The following NHEJ1 variants were observed in gnomAD, a reference collection of about 807,000 sequenced individuals.
The protein encoded by NHEJ1 is non-homologous end-joining factor 1.
A neutral mutation model predicts 39.4 loss-of-function variants in NHEJ1; 22 were observed. The observed-to-expected ratio is 0.56, with a 90% CI of 0.40 to 0.80. NHEJ1 has a LOEUF of 0.80. NHEJ1 is among the 30% of genes least tolerant of loss of function. The pLI is 0.00. For synonymous variants in NHEJ1, 154 were observed against 135.6 expected (o/e 1.14, Z -0.94); for missense variants, 329 against 357.1 (o/e 0.92, Z 0.63).
At chr2:219,120,157 C>T (rs1184393909) in intron 5 of NHEJ1, among the ~76,000 whole-genome samples, 1 of 152,160 alleles carries the variant, frequency 6.6e-6, no homozygotes, top group Non-Finnish European at 1.5e-5. Flanking sequence ...GGCAAACATT[C>T]TAATATGTAG....
intron 1 of NHEJ1, 29 bp from the exon 2 acceptor site, chr2:219,158,391 G>A (rs761832722): frequency 1.2e-6 from 2 of 1,611,540 alleles, no homozygotes; most frequent in Non-Finnish European, 1.7e-6. Context: ...TTAGTAAAGA[G>A]CCTCAGGGTC....
chr2:219,117,294 C>T (rs1018369759), intron 5 of NHEJ1, among the ~76,000 whole-genome samples: 2 of 152,134 alleles, frequency 1.3e-5, no homozygotes, highest in East Asian at 1.9e-4. Context: ...CAGTAAACAT[C>T]GCAGGGAAAA....
At chr2:219,120,205 C>G (rs1949458199) in intron 5 of NHEJ1, among the ~76,000 whole-genome samples, 1 of 152,180 alleles carries the variant, frequency 6.6e-6, no homozygotes, top group South Asian at 2.1e-4. Context: ...CACAAAGATA[C>G]TTTTTCATTC....
At chr2:219,093,385 C>T (rs1949179073) in intron 5 of NHEJ1, among the ~76,000 whole-genome samples, 1 of 152,160 alleles carries the variant, frequency 6.6e-6, no homozygotes, top group Admixed American at 6.5e-5. Flanking sequence ...GAGGCAAGGA[C>T]AAGAGGGATA....
chr2:219,096,075 T>C (rs967261436), intron 5 of NHEJ1, among the ~76,000 whole-genome samples: 5 of 152,194 alleles, frequency 3.3e-5, no homozygotes, highest in African/African-American at 1.2e-4. Flanking sequence ...AAAGGATACA[T>C]GGTTTTCTAA....
chr2:219,117,684 A>C (rs894365284), intron 5 of NHEJ1, among the ~76,000 whole-genome samples: 1 of 152,280 alleles, frequency 6.6e-6, no homozygotes, highest in African/African-American at 2.4e-5. Context: ...GACATGGTGT[A>C]GTGGAAAGAG....
intron 4 of NHEJ1, 28 bp downstream of exon 4, chr2:219,147,629 C>T (rs1434591137): frequency 6.2e-7 from 1 of 1,614,034 alleles, no homozygotes; most frequent in East Asian, 2.2e-5. Flanking sequence ...ACACGCCCCA[C>T]CCAACTCCTC....
chr2:219,085,492 T>G (rs923841729), intron 5 of NHEJ1, among the ~76,000 whole-genome samples: 5 of 152,204 alleles, frequency 3.3e-5, no homozygotes, highest in African/African-American at 1.2e-4. Flanking sequence ...GAGCTAACAC[T>G]GCCCTGTGTT....
chr2:219,119,902 A>C (rs1467482289), intron 5 of NHEJ1, among the ~76,000 whole-genome samples: 2 of 152,174 alleles, frequency 1.3e-5, no homozygotes, highest in Non-Finnish European at 2.9e-5. Flanking sequence ...CTTCTCCAAG[A>C]GTCTGGCCGA....
intron 5 of NHEJ1, among the ~76,000 whole-genome samples, chr2:219,114,097 GA>G (rs919226761): frequency 2.0e-5 from 3 of 152,122 alleles, no homozygotes; most frequent in African/African-American, 7.2e-5. Context: ...GCATGTTAAG[GA>G]AATCTCTGAA....
chr2:219,106,041 G>GT (rs1269032053), intron 5 of NHEJ1, among the ~76,000 whole-genome samples: 3 of 152,254 alleles, frequency 2.0e-5, no homozygotes, highest in South Asian at 2.1e-4. Context: ...TATTCTTGGT[G>GT]TTTAATAAGG....
At chr2:219,123,239 CAT>C (rs1949487657) in intron 5 of NHEJ1, among the ~76,000 whole-genome samples, 3 of 152,182 alleles carry the variant, frequency 2.0e-5, no homozygotes, top group African/African-American at 7.2e-5. Flanking sequence ...GCAACAAAGA[CAT>C]ATTTTGTAGA....
intron 5 of NHEJ1, chr2:219,102,492 C>T (rs987497287): frequency 6.6e-6 from 1 of 152,204 alleles, no homozygotes; most frequent in Non-Finnish European, 1.5e-5. Flanking sequence ...AGGAGGATCG[C>T]TTGAGCCCAG....
At chr2:219,145,937 A>T (rs1949735196) in intron 5 of NHEJ1, among the ~76,000 whole-genome samples, 2 of 151,452 alleles carry the variant, frequency 1.3e-5, no homozygotes, top group Admixed American at 1.3e-4. Context: ...CATCTCAAAA[A>T]AAAATAAAAA....
chr2:219,105,504 C>T (rs1949305455), intron 5 of NHEJ1, among the ~76,000 whole-genome samples: 1 of 152,240 alleles, frequency 6.6e-6, no homozygotes, highest in South Asian at 2.1e-4. Flanking sequence ...TTGGTCGCTG[C>T]TCTGCCACTG....
chr2:219,104,686 A>T (rs1197254519), intron 5 of NHEJ1, among the ~76,000 whole-genome samples: 1 of 151,640 alleles, frequency 6.6e-6, no homozygotes, highest in Non-Finnish European at 1.5e-5. Flanking sequence ...ACTTCGCAGT[A>T]ATCTTCCAAA....
chr2:219,079,046 C>T (rs977458669), intron 5 of NHEJ1, among the ~76,000 whole-genome samples: 1 of 152,192 alleles, frequency 6.6e-6, no homozygotes. Context: ...GTTTCCTTCA[C>T]TACAGAATGA....
intron 5 of NHEJ1, among the ~76,000 whole-genome samples, chr2:219,086,975 T>C (rs562443294): frequency 3.9e-5 from 6 of 152,074 alleles, no homozygotes; most frequent in African/African-American, 1.4e-4. Context: ...GGAGGGCAAC[T>C]AACGAGCAGC....
chr2:219,094,522 G>A (rs891961752), intron 5 of NHEJ1, among the ~76,000 whole-genome samples: 8 of 152,222 alleles, frequency 5.3e-5, no homozygotes, highest in South Asian at 2.1e-4. Context: ...CTAGTTCCCC[G>A]GTTCAGAATC....
Sources: gnomAD v4.1 joint callset for allele counts (sites outside exome capture counted in the v4.1 genomes callset) on GRCh38, gnomAD v4.1.1 for gene constraint, MANE v1.5 for transcripts, NCBI Gene and HGNC (gene_info 2026-07-23, HGNC 2026-07-21) for gene names.